Variants in TAX1BP1 observed in about 807,000 individuals in gnomAD.
TAX1BP1 encodes tax1-binding protein 1.
In TAX1BP1, 62 loss-of-function variants were observed where a neutral mutation model predicts 97.7. The ratio of observed to expected loss-of-function variants is 0.63; its 90% CI spans 0.52 to 0.78. The LOEUF (loss-of-function observed/expected upper bound fraction) is 0.78. Ranked by LOEUF, TAX1BP1 falls within the 30% of genes least tolerant of loss-of-function variation. The probability of loss-of-function intolerance (pLI) is 0.00; values close to 1 mark genes in which losing one functional copy is unlikely to be tolerated. For synonymous variants in TAX1BP1, 340 were observed against 304.2 expected (o/e 1.12, Z -1.23); for missense variants, 867 against 916.1 (o/e 0.95, Z 0.69).
chr7:27,767,893 T>G (rs1583685454), intron 4 of TAX1BP1, among the ~76,000 whole-genome samples: 1 of 152,202 alleles, frequency 6.6e-6, no homozygotes, highest in East Asian at 1.9e-4. Context: ...TTGGTGAGTC[T>G]TTAAAATTCT....
intron 13 of TAX1BP1, among the ~76,000 whole-genome samples, chr7:27,800,804 C>A (rs1790104863): frequency 6.6e-6 from 1 of 151,916 alleles, no homozygotes; most frequent in Admixed American, 6.6e-5. Flanking sequence ...ATAAATGATA[C>A]TGTAAGAATG....
At chr7:27,754,227 C>A (rs898266420) in intron 2 of TAX1BP1, among the ~76,000 whole-genome samples, 15 of 151,960 alleles carry the variant, frequency 9.9e-5, no homozygotes, top group African/African-American at 3.6e-4. Flanking sequence ...TATCCTGTTT[C>A]AAGCTTTTGT....
chr7:27,773,879 A>G (rs1364560858), intron 5 of TAX1BP1, among the ~76,000 whole-genome samples: 3 of 152,068 alleles, frequency 2.0e-5, no homozygotes, highest in African/African-American at 7.2e-5. Context: ...TAAGTTTTTC[A>G]GTTAATTTAG....
intron 13 of TAX1BP1, among the ~76,000 whole-genome samples, chr7:27,813,357 T>G (rs567626292): frequency 1.4e-4 from 21 of 150,068 alleles, no homozygotes; most frequent in Admixed American, 1.3e-3. Flanking sequence ...TTTCTTTTTT[T>G]TTTCTTTTTT....
chr7:27,828,862 AG>A lies in TAX1BP1; in HGVS notation c.*34del. Reference sequence around the variant, plus strand: ...TTATTATGAGTTAATATAGTTTAGCAGTAAAAAAAAAAAAAAAAACCACACC... The same window carrying A: ...TTATTATGAGTTAATATAGTTTAGCATAAAAAAAAAAAAAAAAACCACACC... On this transcript the variant is annotated 3_prime_UTR_variant, in exon 17 of 17. Transcript: ENST00000396319. 6.8e-5 allele frequency: 80 copies of A among 1,176,206 alleles called. No individual in the cohort carries two copies. Among genetic ancestry groups the A allele is most frequent in the Middle Eastern group, 2.0e-4 (1 of 4,902 alleles). 72.9% of individuals were successfully genotyped at this position (1,176,206 alleles called of 1,614,324 possible). A position where few individuals can be genotyped will look rare whatever the true frequency, so the allele number is the denominator to read the frequency against.
At chr7:27,778,526 C>T (rs770157638) in intron 5 of TAX1BP1, among the ~76,000 whole-genome samples, 3 of 151,976 alleles carry the variant, frequency 2.0e-5, no homozygotes, top group Non-Finnish European at 4.4e-5. Flanking sequence ...AGCAAGCATC[C>T]AAAAGCCAAC....
intron 13 of TAX1BP1, among the ~76,000 whole-genome samples, chr7:27,805,602 T>G (rs967001455): frequency 6.6e-6 from 1 of 152,162 alleles, no homozygotes; most frequent in African/African-American, 2.4e-5. Context: ...TTTGGGAGGC[T>G]GAGGCTTGTG....
intron 13 of TAX1BP1, among the ~76,000 whole-genome samples, chr7:27,810,570 C>T (rs947926946): frequency 5.9e-5 from 9 of 152,036 alleles, no homozygotes; most frequent in Admixed American, 1.3e-4. Flanking sequence ...CCATTTTTAC[C>T]GTGTTGTTAT....
chr7:27,759,197 AG>A (rs1227550273), intron 3 of TAX1BP1, among the ~76,000 whole-genome samples: 6 of 152,188 alleles, frequency 3.9e-5, no homozygotes, highest in Non-Finnish European at 8.8e-5. Flanking sequence ...AAAATTGCAA[AG>A]AAAACCAATT....
At chr7:27,816,700 A>G (rs1365883043) in intron 14 of TAX1BP1, among the ~76,000 whole-genome samples, 180 bp downstream of exon 14, 2 of 152,254 alleles carry the variant, frequency 1.3e-5, no homozygotes, top group Non-Finnish European at 2.9e-5. Flanking sequence ...GTGATGCACC[A>G]TGAGATGAGT....
intron 2 of TAX1BP1, among the ~76,000 whole-genome samples, chr7:27,751,816 T>TTTA (rs937496966): frequency 1.2e-4 from 18 of 151,878 alleles, no homozygotes; most frequent in African/African-American, 4.4e-4. Flanking sequence ...CAATTAAAAA[T>TTTA]TTATTATTAT....
chr7:27,781,437 G>A (rs1441815921), intron 5 of TAX1BP1, among the ~76,000 whole-genome samples: 1 of 152,142 alleles, frequency 6.6e-6, no homozygotes, highest in African/African-American at 2.4e-5. Flanking sequence ...TTAGTGTACT[G>A]AATACTGTAG....
At chr7:27,756,571 G>T (rs1390743784) in intron 2 of TAX1BP1, among the ~76,000 whole-genome samples, 1 of 152,046 alleles carries the variant, frequency 6.6e-6, no homozygotes, top group Non-Finnish European at 1.5e-5. Context: ...AAATAGAAAT[G>T]AATAACTTTT....
rs73295601 is a variant in TAX1BP1 at position 27,806,154 on chromosome 7, C to T, written c.1764+6064C>T. On this transcript the variant is annotated intron_variant, in intron 13 of 16. Coordinates refer to ENST00000396319, the MANE Select transcript of TAX1BP1 (RefSeq NM_006024.7). ...AGGCAACAGTGCAGTGGCACTAGCT[C>T]GACTCACTACAACCTTTGCCTCTCA... 2.7e-3 allele frequency among the ~76,000 whole-genome samples: 402 copies of T among 150,526 alleles called. 5 individuals are homozygous for T. The highest frequency in any genetic ancestry group is 9.6e-3 in the African/African-American group (391 of 40,820).
At chr7:27,751,418 G>A (rs949171886) in intron 2 of TAX1BP1, among the ~76,000 whole-genome samples, 3 of 152,096 alleles carry the variant, frequency 2.0e-5, no homozygotes, top group Non-Finnish European at 4.4e-5. Flanking sequence ...TGCATAATGT[G>A]TGTATAATAA....
At chr7:27,773,581 T>G (rs1439531005) in intron 5 of TAX1BP1, among the ~76,000 whole-genome samples, 1 of 152,112 alleles carries the variant, frequency 6.6e-6, no homozygotes, top group Admixed American at 6.6e-5. Flanking sequence ...CTTATTTCAC[T>G]TAGCATAATG....
intron 9 of TAX1BP1, among the ~76,000 whole-genome samples, chr7:27,792,864 G>A (rs1257167500): frequency 6.6e-6 from 1 of 152,066 alleles, no homozygotes; most frequent in African/African-American, 2.4e-5. Flanking sequence ...TCCAAAGGCT[G>A]AGACAAGAGG....
chr7:27,771,483 A>G (rs1788848268), intron 5 of TAX1BP1, among the ~76,000 whole-genome samples: 1 of 151,906 alleles, frequency 6.6e-6, no homozygotes, highest in South Asian at 2.1e-4. Context: ...TTACATATAT[A>G]TATACACACA....
intron 11 of TAX1BP1, among the ~76,000 whole-genome samples, 169 bp from the exon 12 acceptor site, chr7:27,795,947 G>C (rs1005074119): frequency 4.6e-5 from 7 of 152,120 alleles, no homozygotes; most frequent in African/African-American, 1.4e-4. Flanking sequence ...TTCTCAACTA[G>C]AGTTTATATA....
Sources: allele counts gnomAD v4.1 joint callset (sites outside exome capture counted in the v4.1 genomes callset), GRCh38; gene constraint gnomAD v4.1.1; transcripts MANE v1.5; gene names NCBI Gene and HGNC (gene_info 2026-07-23, HGNC 2026-07-21).